Variants in CCDC85C observed in about 807,000 individuals in gnomAD.
CCDC85C encodes the protein coiled-coil domain containing 85C, also known as coiled-coil domain-containing protein 85C.
CCDC85C carries 18 observed loss-of-function variants against 38.3 expected under a neutral mutation model. The ratio of observed to expected loss-of-function variants is 0.47; its 90% confidence interval spans 0.33 to 0.70. CCDC85C has a LOEUF of 0.70. Ranked by LOEUF, CCDC85C falls within the 30% of genes least tolerant of loss-of-function variation. The probability of loss-of-function intolerance (pLI) is 0.03; values close to 1 mark genes in which losing one functional copy is unlikely to be tolerated. For missense variants in CCDC85C, 566 were observed against 621.2 expected (o/e 0.91, Z 0.94); for synonymous variants, 264 against 293.8 (o/e 0.90, Z 1.04).
intron 1 of CCDC85C, among the ~76,000 whole-genome samples, chr14:99,578,535 A>C (rs1192906266): frequency 6.6e-6 from 1 of 152,152 alleles, no homozygotes; most frequent in Non-Finnish European, 1.5e-5. Context: ...GTGACTGTGC[A>C]CATGTCTCCA....
rs902002530 is a variant in CCDC85C, at chr14:99,508,320, C to T, written c.*6926G>A. ...CAAGTGCAGTTCCCCTGGTCCGAGC[C>T]TGGGGCTGTGCCTTCACTGAGGAGA... On this transcript the variant is annotated 3_prime_UTR_variant, in exon 6 of 6. Coordinates refer to ENST00000380243, the MANE Select transcript of CCDC85C (RefSeq NM_001144995.2). The T allele has an allele frequency of 2.0e-5, 3 of 152,292 alleles. No individual in the cohort carries two copies. Among genetic ancestry groups the T allele is most frequent in the East Asian group, 1.9e-4 (1 of 5,196 alleles). The allele number at this position is 152,292 out of a possible 1,614,324, so 9.4% of individuals were successfully genotyped here. A position where few individuals can be genotyped will look rare whatever the true frequency, so the allele number is the denominator to read the frequency against.
rs1371231533 is a variant in CCDC85C, at chr14:99,604,162, C to T, written c.-203G>A. 6.0e-6 allele frequency: 2 copies of T among 334,800 alleles called. No homozygotes were observed. Among genetic ancestry groups the T allele is most frequent in the Non-Finnish European group, 8.4e-6 (2 of 237,434 alleles). 20.7% of individuals were successfully genotyped at this position (334,800 alleles called of 1,614,324 possible). A position where few individuals can be genotyped will look rare whatever the true frequency, so the allele number is the denominator to read the frequency against. ...GCGCCTCGGGGTTGACGAGCGGAGGCGGCTGCTGCGTCGGCGGCCGCGGTG... is the reference window on the plus strand; with the variant it reads ...GCGCCTCGGGGTTGACGAGCGGAGGTGGCTGCTGCGTCGGCGGCCGCGGTG... On this transcript the variant is annotated 5_prime_UTR_variant, in exon 1 of 6. Transcript: ENST00000380243.
rs1046369008 is a variant in CCDC85C at position 99,572,535 on chromosome 14, G to A, written c.793+30632C>T. On this transcript the variant is annotated intron_variant, in intron 1 of 5. Coordinates refer to ENST00000380243, the MANE Select transcript of CCDC85C (RefSeq NM_001144995.2). The surrounding 1 kb of genome is among the most constrained non-coding windows in gnomAD (Gnocchi z 4.4). ...CAACCCCAATAGCTCCTCCTACCCT[G>A]CCCCCTTCGGTCACCAGAGTCCAGC... 6.6e-6 allele frequency among the ~76,000 whole-genome samples: 1 copy of A among 151,842 alleles called. No homozygotes were observed. The highest frequency in any genetic ancestry group is 2.4e-5 in the African/African-American group (1 of 41,302).
Position 99,510,352 on chromosome 14 carries a change from A to C in CCDC85C, c.*4894T>G. 6.5e-7 allele frequency: 1 copy of C among 1,543,888 alleles called. No individual in the cohort carries two copies. Among genetic ancestry groups the C allele is most frequent in the Non-Finnish European group, 8.7e-7 (1 of 1,147,952 alleles). ...ACCGGGATGTCCACCACCAGCTCCTACATGTCTGGAGAGGGCTACCAGAGC... is the reference window on the plus strand; with the variant it reads ...ACCGGGATGTCCACCACCAGCTCCTCCATGTCTGGAGAGGGCTACCAGAGC... On this transcript the variant is annotated 3_prime_UTR_variant, in exon 6 of 6. Coordinates refer to ENST00000380243, the MANE Select transcript of CCDC85C (RefSeq NM_001144995.2).
chr14:99,598,715 C>G (rs181731117), intron 1 of CCDC85C, among the ~76,000 whole-genome samples: 3 of 152,268 alleles, frequency 2.0e-5, no homozygotes, highest in Non-Finnish European at 4.4e-5. Flanking sequence ...CATCCCAGGC[C>G]CCCCAATCAG....
chr14:99,551,168 C>T (rs1430033409), intron 1 of CCDC85C, among the ~76,000 whole-genome samples: 1 of 152,200 alleles, frequency 6.6e-6, no homozygotes, highest in Non-Finnish European at 1.5e-5. Context: ...AGATGCCCTC[C>T]CAGCCCTAAC....
In CCDC85C at chr14:99,520,310, C is replaced by T. The variant is rs1327715353; in HGVS notation, c.975+1823G>A. On this transcript the variant is annotated intron_variant, in intron 3 of 5. Transcript: ENST00000380243. This position sits in a 1 kb window ranked among gnomAD's most constrained non-coding sequence, Gnocchi z 4.1. ...AAGTGCCAGACATGGGCTCTCCAGG[C>T]CCCAGCAAGGGCCTCTGGCCCTGGC... Among the ~76,000 whole-genome samples the T allele has an allele frequency of 6.6e-6, 1 of 152,130 alleles. No homozygotes were observed. The highest frequency in any genetic ancestry group is 1.5e-5 in the Non-Finnish European group (1 of 67,984).
At chr14:99,578,447 T>G (rs2054926599) in intron 1 of CCDC85C, among the ~76,000 whole-genome samples, 1 of 152,150 alleles carries the variant, frequency 6.6e-6, no homozygotes. Flanking sequence ...ATGTTCCCCG[T>G]CATGCAGTAG....
intron 3 of CCDC85C, among the ~76,000 whole-genome samples, chr14:99,521,261 C>T (rs1338443847): frequency 6.6e-6 from 1 of 152,216 alleles, no homozygotes; most frequent in African/African-American, 2.4e-5. Flanking sequence ...CTTGGAATAT[C>T]GGCCATTGGC....
intron 1 of CCDC85C, among the ~76,000 whole-genome samples, chr14:99,562,668 G>A (rs1282722342): frequency 2.0e-5 from 3 of 152,154 alleles, no homozygotes; most frequent in Admixed American, 6.5e-5. Flanking sequence ...TGTGTCCCAA[G>A]GGTTCTCACG....
intron 1 of CCDC85C, among the ~76,000 whole-genome samples, chr14:99,571,813 A>G (rs1355744695): frequency 1.3e-5 from 2 of 152,190 alleles, no homozygotes; most frequent in East Asian, 1.9e-4. Flanking sequence ...CTGTGACAAG[A>G]GCCTGTCTCC....
chr14:99,571,392 C>T (rs1220149101), intron 1 of CCDC85C, among the ~76,000 whole-genome samples: 1 of 151,266 alleles, frequency 6.6e-6, no homozygotes, highest in Non-Finnish European at 1.5e-5. Context: ...TACGATAACC[C>T]CCCAGCTCCA....
At chr14:99,596,296 G>A (rs2055142544) in intron 1 of CCDC85C, among the ~76,000 whole-genome samples, 1 of 152,196 alleles carries the variant, frequency 6.6e-6, no homozygotes, top group Admixed American at 6.5e-5. Flanking sequence ...AACTGGGAAG[G>A]GAAAATGCCC....
chr14:99,527,526 C>T (rs1325236490), intron 2 of CCDC85C, among the ~76,000 whole-genome samples: 1 of 152,184 alleles, frequency 6.6e-6, no homozygotes, highest in African/African-American at 2.4e-5. Flanking sequence ...AAGGGCCTGG[C>T]TCCACGGGTC....
intron 1 of CCDC85C, among the ~76,000 whole-genome samples, chr14:99,561,622 C>A (rs781179632): frequency 1.3e-5 from 2 of 152,158 alleles, no homozygotes; most frequent in Non-Finnish European, 2.9e-5. Context: ...CTCTGTGCTG[C>A]GAGCGGGCAG....
At chr14:99,597,166 T>C (rs1389923557) in intron 1 of CCDC85C, among the ~76,000 whole-genome samples, 1 of 151,514 alleles carries the variant, frequency 6.6e-6, no homozygotes, top group Non-Finnish European at 1.5e-5. Flanking sequence ...GTCACCAGAG[T>C]GATGCTCCAG....
rs1897525876 is a variant in CCDC85C at position 99,533,118 on chromosome 14, G to C, written c.867+2897C>G. ...GGTTCTGCTGATGCCATGGGCTCTG[G>C]GGATGCCACCAGCTCCTGGAGCCTT... is the stretch of plus-strand genomic sequence containing the variant. On this transcript the variant is annotated intron_variant, in intron 2 of 5. Coordinates refer to ENST00000380243, the MANE Select transcript of CCDC85C (RefSeq NM_001144995.2). This position sits in a 1 kb window ranked among gnomAD's most constrained non-coding sequence, Gnocchi z 4.2. Among the ~76,000 whole-genome samples the C allele has an allele frequency of 6.6e-6, 1 of 152,172 alleles. No individual in the cohort carries two copies. Among genetic ancestry groups the C allele is most frequent in the Admixed American group, 6.5e-5 (1 of 15,286 alleles).
At chr14:99,559,247 C>T (rs771220970) in intron 1 of CCDC85C, among the ~76,000 whole-genome samples, 25 of 151,982 alleles carry the variant, frequency 1.6e-4, no homozygotes, top group Non-Finnish European at 3.2e-4. Context: ...GAACTGGCCC[C>T]GCTGACACCT....
chr14:99,551,444 GGTGAGCAGGTGAATGA>G (rs1360622136), intron 1 of CCDC85C, among the ~76,000 whole-genome samples: 3 of 152,186 alleles, frequency 2.0e-5, no homozygotes, highest in African/African-American at 7.2e-5. Flanking sequence ...TGGGTGTGCA[GGTGAGCAGGTGAATGA>G]GTGAGCAGGT....
Sources: allele counts gnomAD v4.1 joint callset (sites outside exome capture counted in the v4.1 genomes callset), GRCh38; gene constraint gnomAD v4.1.1; non-coding constraint Gnocchi (gnomAD v3.1); transcripts MANE v1.5; gene names NCBI Gene and HGNC (gene_info 2026-07-23, HGNC 2026-07-21).